Variants in PRMT7 observed in about 807,000 individuals in gnomAD.
The protein encoded by PRMT7 is protein arginine methyltransferase 7, also known as protein arginine N-methyltransferase 7.
Under a neutral mutation model 85.4 loss-of-function variants are expected in PRMT7, and 75 were observed. The ratio of observed to expected loss-of-function variants is 0.88; its 90% CI spans 0.73 to 1.06. The LOEUF is 1.06. Ranked by LOEUF, PRMT7 falls within the 50% of genes least tolerant of loss-of-function variation. The pLI is 0.00. For missense variants in PRMT7, 868 were observed against 915.2 expected (o/e 0.95, Z 0.67); for synonymous variants, 397 against 359.5 (o/e 1.10, Z -1.18).
intron 3 of PRMT7, among the ~76,000 whole-genome samples, chr16:68,316,595 G>A (rs1239096812): frequency 6.6e-6 from 1 of 151,922 alleles, no homozygotes; most frequent in Non-Finnish European, 1.5e-5. Context: ...GAGAAACCCC[G>A]TTTCTACTAA....
intron 6 of PRMT7, among the ~76,000 whole-genome samples, chr16:68,329,898 C>CAT: frequency 6.6e-6 from 1 of 151,666 alleles, no homozygotes; most frequent in Middle Eastern, 3.4e-3. Context: ...CACACACACA[C>CAT]ATATTTTTTT....
intron 6 of PRMT7, among the ~76,000 whole-genome samples, chr16:68,335,156 G>A (rs994393425): frequency 6.6e-6 from 1 of 152,184 alleles, no homozygotes; most frequent in African/African-American, 2.4e-5. Context: ...TATATAATTG[G>A]TTTAAACATT....
intron 6 of PRMT7, among the ~76,000 whole-genome samples, chr16:68,337,075 A>G (rs1300966242): frequency 6.6e-6 from 1 of 152,118 alleles, no homozygotes; most frequent in African/African-American, 2.4e-5. Flanking sequence ...TTTTGTGGAA[A>G]TGGGGTTTTG....
intron 5 of PRMT7, among the ~76,000 whole-genome samples, chr16:68,325,467 G>T (rs533277904): frequency 6.6e-6 from 1 of 151,784 alleles, no homozygotes; most frequent in Non-Finnish European, 1.5e-5. Flanking sequence ...CTCCAGCCTG[G>T]GTGACAGAGT....
intron 9 of PRMT7, 86 bp downstream of exon 9, chr16:68,340,054 A>C: frequency 7.5e-7 from 1 of 1,341,350 alleles, no homozygotes; most frequent in East Asian, 2.5e-5. Context: ...CCTTGGACCC[A>C]GGAGAATTTA....
chr16:68,356,867 C>T lies in PRMT7; in HGVS notation c.1908+70C>T, dbSNP rs1399118252. ...GCAGGCGCCGCCTGGGGAGGCCTCC[C>T]TGCCCCCATGCTCTGGGTGTTTCTG... On this transcript the variant is annotated intron_variant, in intron 18 of 18. Coordinates refer to ENST00000441236, the MANE Select transcript of PRMT7 (RefSeq NM_019023.5). 2.0e-6 allele frequency: 3 copies of T among 1,471,166 alleles called. No individual in the cohort carries two copies. The Admixed American group carries it at 5.9e-5, about 29-fold the overall frequency. The allele number at this position is 1,471,166 out of a possible 1,614,324, so 91.1% of individuals were successfully genotyped here. A position where few individuals can be genotyped will look rare whatever the true frequency, so the allele number is the denominator to read the frequency against.
chr16:68,347,352 G>C, intron 12 of PRMT7, 58 bp downstream of exon 12: 3 of 1,453,378 alleles, frequency 2.1e-6, no homozygotes, highest in Non-Finnish European at 2.8e-6. Context: ...AGAGCATTGC[G>C]TGGTCCGGGT....
In PRMT7 at chr16:68,347,235, C is replaced by A; in HGVS notation, c.1216C>A (p.Leu406Met). Reference protein sequence around the residue: ...RTVLKPDSVCLCVSDGSLLSV... With the variant: ...RTVLKPDSVCMCVSDGSLLSV... ...GGTGCTGAAGCCAGACAGCGTGTGCCTGTGTGTCAGCGATGGCAGCCTGCT... is the reference window on the plus strand; with the variant it reads ...GGTGCTGAAGCCAGACAGCGTGTGCATGTGTGTCAGCGATGGCAGCCTGCT... Residue 406 changes from leucine (L) to methionine (M), a missense_variant, in exon 12 of 19, where the codon CTG (leucine) becomes ATG (methionine). Leu to Met is a conservative substitution (Grantham distance 15). Coordinates refer to ENST00000441236, the MANE Select transcript of PRMT7 (RefSeq NM_019023.5). 1 of 1,553,348 alleles carries A rather than the reference C, an allele frequency of 6.4e-7. No individual in the cohort carries two copies. The highest frequency in any genetic ancestry group is 8.7e-7 in the Non-Finnish European group (1 of 1,147,522).
intron 6 of PRMT7, among the ~76,000 whole-genome samples, chr16:68,331,932 T>TGGTCTCGAG (rs2083968233): frequency 6.6e-6 from 1 of 152,238 alleles, no homozygotes; most frequent in African/African-American, 2.4e-5. Context: ...TTTTCTGGGT[T>TGGTCTCGAG]TGTTCTCTTG....
At chr16:68,325,574 T>C (rs2083013345) in intron 5 of PRMT7, among the ~76,000 whole-genome samples, 1 of 151,972 alleles carries the variant, frequency 6.6e-6, no homozygotes, top group Non-Finnish European at 1.5e-5. Context: ...GCTTGGATCA[T>C]GAGGTCAGGA....
intron 12 of PRMT7, 107 bp from the exon 13 acceptor site, chr16:68,347,521 GGTT>G (rs1426817844): frequency 8.0e-7 from 1 of 1,242,852 alleles, no homozygotes; most frequent in African/African-American, 1.5e-5. Flanking sequence ...GGGCAGGGAG[GGTT>G]GTTCAGGTGT....
Position 68,311,118 on chromosome 16 carries a change from T to C in PRMT7, c.-219+19T>C, listed in dbSNP as rs1239451305. 5 of 689,574 alleles carry C rather than the reference T, an allele frequency of 7.3e-6. No individual in the cohort carries two copies. The highest frequency in any genetic ancestry group is 1.5e-5 in the South Asian group (1 of 65,296). The allele number at this position is 689,574 out of a possible 1,614,324, so 42.7% of individuals were successfully genotyped here. A position where few individuals can be genotyped will look rare whatever the true frequency, so the allele number is the denominator to read the frequency against. ...GCGGCGGGTGAGGCGCTGGGTATGC[T>C]GGGAAGGTGGGGTCGCTTTGGGGTT... On this transcript the variant is annotated intron_variant, in intron 1 of 18. Coordinates refer to ENST00000441236, the MANE Select transcript of PRMT7 (RefSeq NM_019023.5).
intron 6 of PRMT7, among the ~76,000 whole-genome samples, chr16:68,333,119 A>T (rs1320574328): frequency 2.6e-5 from 4 of 152,098 alleles, no homozygotes; most frequent in African/African-American, 9.7e-5. Context: ...CAGCCTCCTG[A>T]GTAGCTGGGA....
chr16:68,337,674 C>T (rs2084904166), intron 7 of PRMT7, 103 bp downstream of exon 7: 3 of 595,996 alleles, frequency 5.0e-6, no homozygotes, highest in Non-Finnish European at 8.1e-6. Context: ...CTCAGCACCT[C>T]TGATACACCT....
chr16:68,342,737 C>G (rs2085722949), intron 9 of PRMT7, among the ~76,000 whole-genome samples: 1 of 152,206 alleles, frequency 6.6e-6, no homozygotes, highest in African/African-American at 2.4e-5. Context: ...GCTTCCTAGT[C>G]TCCCCTCCAC....
intron 14 of PRMT7, 139 bp from the exon 15 acceptor site, chr16:68,352,097 GGAATGAGTGAGT>G (rs1288215126): frequency 4.0e-6 from 3 of 744,736 alleles, no homozygotes; most frequent in Non-Finnish European, 6.5e-6. Flanking sequence ...AGGGAGGGAG[GGAATGAGTGAGT>G]GACTGAGTGA....
chr16:68,341,531 C>G (rs1231278355), intron 9 of PRMT7, among the ~76,000 whole-genome samples: 1 of 152,048 alleles, frequency 6.6e-6, no homozygotes, highest in Non-Finnish European at 1.5e-5. Context: ...TGCCTCAGCC[C>G]CCTGAGTAGC....
chr16:68,353,663 G>T, intron 16 of PRMT7, 97 bp downstream of exon 16: 1 of 1,217,956 alleles, frequency 8.2e-7, no homozygotes, highest in Non-Finnish European at 1.1e-6. Flanking sequence ...CTCTTCTGTT[G>T]GGGGCAGTGA....
At chr16:68,311,856 T>C (rs2043785127) in intron 1 of PRMT7, 186 bp from the exon 2 acceptor site, 1 of 152,196 alleles carries the variant, frequency 6.6e-6, no homozygotes, top group South Asian at 2.1e-4. Flanking sequence ...GTTTTCTCTT[T>C]CTACAACGCT....
Sources: gnomAD v4.1 joint callset for allele counts (sites outside exome capture counted in the v4.1 genomes callset) on GRCh38, gnomAD v4.1.1 for gene constraint, MANE v1.5 for transcripts, NCBI Gene and HGNC (gene_info 2026-07-23, HGNC 2026-07-21) for gene names.